Variants in PID1 observed in about 807,000 individuals in gnomAD.
PID1 encodes the protein phosphotyrosine interaction domain containing 1, also known as PTB-containing, cubilin and LRP1-interacting protein.
Under a neutral mutation model 19.1 loss-of-function variants are expected in PID1, and 10 were observed. That is an observed-to-expected ratio of 0.52 (90% CI 0.32 to 0.89). The LOEUF (loss-of-function observed/expected upper bound fraction) is 0.89, where lower values mean the gene tolerates loss of function less well. Ranked by LOEUF, PID1 falls within the 40% of genes least tolerant of loss-of-function variation. PID1 has a pLI of 0.03. For missense variants in PID1, 248 were observed against 285.3 expected (o/e 0.87, Z 0.94); for synonymous variants, 130 against 116.0 (o/e 1.12, Z -0.78).
chr2:229,046,387 TGTGTGTGTGTGA>T (rs1693881354), intron 2 of PID1, among the ~76,000 whole-genome samples: 1 of 145,756 alleles, frequency 6.9e-6, no homozygotes, highest in East Asian at 2.0e-4. Flanking sequence ...TGTGCGTGTG[TGTGTGTGTGTGA>T]GTCAGGAGGG....
intron 2 of PID1, among the ~76,000 whole-genome samples, chr2:229,155,391 C>T (rs781501609): frequency 6.6e-6 from 1 of 151,760 alleles, no homozygotes; most frequent in African/African-American, 2.4e-5. Flanking sequence ...ATGGTGAAAC[C>T]CCGTCTCTCC....
chr2:229,205,290 T>A (rs1381091403), intron 1 of PID1, among the ~76,000 whole-genome samples: 2 of 151,722 alleles, frequency 1.3e-5, no homozygotes, highest in African/African-American at 4.8e-5. Flanking sequence ...CATACTATAT[T>A]TTTTACAGCT....
chr2:229,197,216 ATAAG>A (rs1183825795), intron 1 of PID1, among the ~76,000 whole-genome samples: 2 of 152,120 alleles, frequency 1.3e-5, no homozygotes, highest in South Asian at 2.1e-4. Flanking sequence ...TTTGAATTAT[ATAAG>A]TAATAGTGGC....
chr2:229,253,849 A>G (rs554729378), intron 1 of PID1, among the ~76,000 whole-genome samples: 35 of 152,316 alleles, frequency 2.3e-4, no homozygotes, highest in African/African-American at 6.5e-4. Context: ...ATTCAGTTCT[A>G]TGGTTGCAAG....
intron 1 of PID1, among the ~76,000 whole-genome samples, chr2:229,185,700 C>T (rs1026811464): frequency 2.0e-5 from 3 of 152,120 alleles, no homozygotes; most frequent in Admixed American, 1.3e-4. Context: ...AAGAATAGCA[C>T]AGGAAAGACT....
intron 2 of PID1, among the ~76,000 whole-genome samples, chr2:229,062,211 T>C (rs181242751): frequency 7.2e-5 from 11 of 152,142 alleles, no homozygotes; most frequent in Non-Finnish European, 1.3e-4. Flanking sequence ...TGGGGTATGA[T>C]GTTAACTGTG....
intron 2 of PID1, among the ~76,000 whole-genome samples, chr2:229,033,454 C>G (rs1020428799): frequency 6.6e-6 from 1 of 151,946 alleles, no homozygotes; most frequent in African/African-American, 2.4e-5. Flanking sequence ...ACTGCATGCT[C>G]TCATTCATAA....
At chr2:229,124,087 T>C (rs1695576552) in intron 2 of PID1, among the ~76,000 whole-genome samples, 2 of 152,172 alleles carry the variant, frequency 1.3e-5, no homozygotes, top group African/African-American at 4.8e-5. Flanking sequence ...AGAGACCTTC[T>C]CTGTATGTGT....
intron 1 of PID1, among the ~76,000 whole-genome samples, chr2:229,176,682 C>T (rs1035079003): frequency 2.6e-5 from 4 of 152,112 alleles, no homozygotes; most frequent in Non-Finnish European, 4.4e-5. Context: ...CCCTATGCTC[C>T]CAAATATTTC....
chr2:229,188,581 T>A (rs1691183824), intron 1 of PID1, among the ~76,000 whole-genome samples: 1 of 151,690 alleles, frequency 6.6e-6, no homozygotes, highest in Non-Finnish European at 1.5e-5. Flanking sequence ...CTACTAAAAA[T>A]ACAAAAAATT....
At chr2:229,170,529 A>G (rs1419960) in intron 1 of PID1, among the ~76,000 whole-genome samples, 81,052 of 152,044 alleles carry the variant, frequency 0.53, 22,640 homozygotes, top group African/African-American at 0.7. Flanking sequence ...ATGTGTAAAA[A>G]CATATATACA....
chr2:229,188,739 CAAA>C (rs11313891), intron 1 of PID1, among the ~76,000 whole-genome samples: 37 of 127,426 alleles, frequency 2.9e-4, no homozygotes, highest in Admixed American at 2.4e-4. Flanking sequence ...AACTCCACCT[CAAA>C]AAAAAAAAAA....
intron 2 of PID1, among the ~76,000 whole-genome samples, chr2:229,029,154 C>T (rs1403277277): frequency 6.6e-6 from 1 of 151,860 alleles, no homozygotes. Context: ...GGACCATTAA[C>T]ACACCAAACC....
chr2:229,255,332 A>G (rs1471139410), intron 1 of PID1, among the ~76,000 whole-genome samples: 1 of 152,218 alleles, frequency 6.6e-6, no homozygotes, highest in African/African-American at 2.4e-5. Flanking sequence ...AGCGTTAAGC[A>G]GATGGGTTCC....
chr2:229,168,844 T>G (rs1419958), intron 1 of PID1, among the ~76,000 whole-genome samples: 23,637 of 152,144 alleles, frequency 0.16, 2,643 homozygotes, highest in East Asian at 0.36. Flanking sequence ...ATTGTGGGGT[T>G]TCAAGTCAAT....
chr2:229,027,586 G>A (rs1693453440), intron 2 of PID1, among the ~76,000 whole-genome samples: 1 of 152,196 alleles, frequency 6.6e-6, no homozygotes, highest in African/African-American at 2.4e-5. Context: ...TTCAGTGGAG[G>A]AGGCAGTGGC....
chr2:229,231,332 C>A (rs1368977100), intron 1 of PID1, among the ~76,000 whole-genome samples: 1 of 152,122 alleles, frequency 6.6e-6, no homozygotes, highest in Non-Finnish European at 1.5e-5. Flanking sequence ...GGGGATTCAT[C>A]CAAGCACCAC....
chr2:229,181,930 T>C (rs1298699576), intron 1 of PID1, among the ~76,000 whole-genome samples: 1 of 152,224 alleles, frequency 6.6e-6, no homozygotes, highest in African/African-American at 2.4e-5. Context: ...AAGTGAAATG[T>C]ATATTACTGA....
rs145390562 is a variant in PID1 at position 229,193,551 on chromosome 2, C to T, written c.31-37587G>A. 2.1e-3 allele frequency among the ~76,000 whole-genome samples: 317 copies of T among 152,226 alleles called. 2 individuals are homozygous for T. The highest frequency in any genetic ancestry group is 7.4e-3 in the African/African-American group (308 of 41,548). ...ATTTTCAAGCATTGTTAGTCTACCA[C>T]ACACAGACCACATGTAAAGACAAAG... On this transcript the variant is annotated intron_variant, in intron 1 of 2. Coordinates refer to ENST00000392055, the MANE Select transcript of PID1 (RefSeq NM_001100818.2).
Sources: allele counts gnomAD v4.1 joint callset (sites outside exome capture counted in the v4.1 genomes callset), GRCh38; gene constraint gnomAD v4.1.1; transcripts MANE v1.5; gene names NCBI Gene and HGNC (gene_info 2026-07-23, HGNC 2026-07-21).